The following BMPR1B variants were observed in gnomAD, a reference collection of about 807,000 sequenced individuals.
BMPR1B encodes bone morphogenetic protein receptor type-1B.
Under a neutral mutation model 59.1 loss-of-function variants are expected in BMPR1B, and 12 were observed. The ratio of observed to expected loss-of-function variants is 0.20; its 90% confidence interval spans 0.13 to 0.33. The LOEUF is 0.33. Among genes scored for constraint, BMPR1B ranks in the 10% least tolerant of loss-of-function variants. The pLI is 1.00. For missense variants in BMPR1B, 550 were observed against 610.9 expected, an observed-to-expected ratio of 0.90 and a Z score of 1.05; for synonymous variants, 237 against 207.3, an observed-to-expected ratio of 1.14 and a Z score of -1.23.
intron 1 of BMPR1B, among the ~76,000 whole-genome samples, chr4:94,873,548 A>G (rs1193019074): frequency 6.6e-6 from 1 of 151,924 alleles, no homozygotes; most frequent in Non-Finnish European, 1.5e-5. Flanking sequence ...CTGGGACTAC[A>G]GGCGTGCGCC....
intron 1 of BMPR1B, among the ~76,000 whole-genome samples, chr4:94,841,601 A>G (rs1394655400): frequency 2.0e-5 from 3 of 152,132 alleles, no homozygotes; most frequent in East Asian, 1.9e-4. Context: ...GAGTGAGGCA[A>G]TGCCTCACCC....
intron 1 of BMPR1B, among the ~76,000 whole-genome samples, chr4:94,806,214 G>C (rs930526048): frequency 2.0e-5 from 3 of 152,130 alleles, no homozygotes; most frequent in African/African-American, 7.2e-5. Context: ...GAAAAACTCA[G>C]CTCAGGCTGA....
chr4:94,914,754 A>G (rs578175553), intron 2 of BMPR1B, among the ~76,000 whole-genome samples: 11 of 152,058 alleles, frequency 7.2e-5, no homozygotes, highest in Admixed American at 2.0e-4. Context: ...CAATTAGGGA[A>G]ATGGGTGACC....
chr4:94,940,040 G>A (rs1729450196), intron 2 of BMPR1B, among the ~76,000 whole-genome samples: 1 of 152,096 alleles, frequency 6.6e-6, no homozygotes, highest in South Asian at 2.1e-4. Flanking sequence ...TAGGAGTTAG[G>A]CCAGCAACAC....
At chr4:95,026,932 A>T (rs76557660) in intron 3 of BMPR1B, among the ~76,000 whole-genome samples, 7,663 of 150,698 alleles carry the variant, frequency 0.051, 250 homozygotes, top group African/African-American at 0.098. Context: ...CTAATTTTTT[A>T]AAAAAAAACT....
intron 1 of BMPR1B, among the ~76,000 whole-genome samples, chr4:94,785,727 G>A (rs774741134): frequency 2.0e-5 from 3 of 152,104 alleles, no homozygotes; most frequent in Non-Finnish European, 2.9e-5. Context: ...AGATATAAGA[G>A]TGGCAAGGCT....
At chr4:94,776,687 G>A (rs1298020334) in intron 1 of BMPR1B, among the ~76,000 whole-genome samples, 2 of 152,114 alleles carry the variant, frequency 1.3e-5, no homozygotes, top group Admixed American at 1.3e-4. Context: ...TTATTAAAAT[G>A]GTAGAAAACA....
chr4:95,142,760 A>T (rs1284712715), intron 10 of BMPR1B, among the ~76,000 whole-genome samples: 1 of 149,922 alleles, frequency 6.7e-6, no homozygotes, highest in Non-Finnish European at 1.5e-5. Context: ...CTCTTACTTC[A>T]GTTTATGGTA....
chr4:95,133,416 A>C (rs919227627), intron 10 of BMPR1B, among the ~76,000 whole-genome samples: 2 of 151,948 alleles, frequency 1.3e-5, no homozygotes, highest in Non-Finnish European at 2.9e-5. Flanking sequence ...TTTCCACCAC[A>C]CTTCTTACCT....
chr4:95,111,834 C>G (rs568689800), intron 4 of BMPR1B, among the ~76,000 whole-genome samples: 2 of 152,168 alleles, frequency 1.3e-5, no homozygotes, highest in East Asian at 3.9e-4. Context: ...AGAATTGTAA[C>G]AAAATTGTTC....
rs369217131 is a variant in BMPR1B, at chr4:94,768,122, C to A, written c.-183+10054C>A. Among the ~76,000 whole-genome samples, 18 of 151,956 alleles carry A rather than the reference C, an allele frequency of 1.2e-4. No individual in the cohort carries two copies. The South Asian group carries it at 1.7e-3, about 14-fold the overall frequency. On this transcript the variant is annotated intron_variant, in intron 1 of 12. Coordinates refer to ENST00000515059, the MANE Select transcript of BMPR1B (RefSeq NM_001203.3). ...TCTTGAAATACAGAATATTTCAAGG[C>A]ACATTAAAGATTTTGTGTATATTCT... is the stretch of plus-strand genomic sequence containing the variant.
At chr4:94,855,103 G>T (rs975622831) in intron 1 of BMPR1B, among the ~76,000 whole-genome samples, 7 of 152,160 alleles carry the variant, frequency 4.6e-5, no homozygotes, top group Non-Finnish European at 1.0e-4. Flanking sequence ...TTATTAAAAA[G>T]ATCCTTTAGT....
At chr4:94,896,302 T>C (rs1160151354) in intron 2 of BMPR1B, among the ~76,000 whole-genome samples, 1 of 152,024 alleles carries the variant, frequency 6.6e-6, no homozygotes, top group Non-Finnish European at 1.5e-5. Context: ...GACAGTTAAA[T>C]CTAGGCTTGA....
At chr4:94,926,575 G>A (rs1382040114) in intron 2 of BMPR1B, among the ~76,000 whole-genome samples, 1 of 152,104 alleles carries the variant, frequency 6.6e-6, no homozygotes, top group Non-Finnish European at 1.5e-5. Context: ...CAAACACCTT[G>A]TTAAATTTGG....
chr4:95,004,436 G>T (rs892940448), intron 3 of BMPR1B, among the ~76,000 whole-genome samples: 3 of 151,998 alleles, frequency 2.0e-5, no homozygotes, highest in African/African-American at 7.3e-5. Context: ...TCTATTATTT[G>T]TAATATTATG....
At chr4:94,820,541 T>C (rs1724169492) in intron 1 of BMPR1B, among the ~76,000 whole-genome samples, 1 of 152,222 alleles carries the variant, frequency 6.6e-6, no homozygotes, top group Non-Finnish European at 1.5e-5. Context: ...ACTGTATGAT[T>C]AAAACATGTT....
chr4:94,851,019 C>T (rs1725549049), intron 1 of BMPR1B, among the ~76,000 whole-genome samples: 1 of 150,994 alleles, frequency 6.6e-6, no homozygotes, highest in Non-Finnish European at 1.5e-5. Flanking sequence ...GATAAATAAA[C>T]AGATACTTCT....
Position 95,154,489 on chromosome 4 carries a change from C to T in BMPR1B, c.1384-59C>T, listed in dbSNP as rs969000357. 2.5e-6 allele frequency: 4 copies of T among 1,610,164 alleles called. No homozygotes were observed. The African/African-American group carries it at 4.0e-5, about 16-fold the overall frequency. On this transcript the variant is annotated intron_variant, in intron 12 of 12. Transcript: ENST00000515059. ...TAATGAACCTAAAACTAAAAAGCTA[C>T]ATTGTAACAGGTGCCAGCCTTGCAG...
chr4:95,061,186 CA>C (rs1433443453), intron 3 of BMPR1B, among the ~76,000 whole-genome samples: 160 of 149,542 alleles, frequency 1.1e-3, no homozygotes, highest in African/African-American at 3.7e-3. Flanking sequence ...CACACACACA[CA>C]CACACACACA....
Sources: allele counts gnomAD v4.1 joint callset (sites outside exome capture counted in the v4.1 genomes callset), GRCh38; gene constraint gnomAD v4.1.1; transcripts MANE v1.5; gene names NCBI Gene and HGNC (gene_info 2026-07-23, HGNC 2026-07-21).